Variants in KAT14 observed in about 807,000 individuals in gnomAD.
KAT14 encodes the protein cysteine-rich protein 2-binding protein.
In KAT14, 66 loss-of-function variants were observed where a neutral mutation model predicts 78.4. The observed-to-expected ratio is 0.84, with a 90% CI of 0.69 to 1.03. The LOEUF (loss-of-function observed/expected upper bound fraction) is 1.03. Ranked by LOEUF, KAT14 falls within the 50% of genes least tolerant of loss-of-function variation. The probability of loss-of-function intolerance (pLI) is 0.00; values close to 1 mark genes in which losing one functional copy is unlikely to be tolerated. For synonymous variants in KAT14, 344 were observed against 359.4 expected (o/e 0.96, Z 0.48); for missense variants, 870 against 972.5 (o/e 0.89, Z 1.40).
chr20:18,160,678 C>A (rs1295198459), intron 5 of KAT14, among the ~76,000 whole-genome samples: 2 of 152,032 alleles, frequency 1.3e-5, no homozygotes, highest in African/African-American at 4.8e-5. Flanking sequence ...AACTGTTGGG[C>A]TCAAGTGATC....
At chr20:18,171,217 C>T (rs2038832740) in intron 7 of KAT14, among the ~76,000 whole-genome samples, 2 of 152,130 alleles carry the variant, frequency 1.3e-5, no homozygotes, top group Non-Finnish European at 2.9e-5. Flanking sequence ...GGGTTCAAGA[C>T]TTCAGTGGAA....
chr20:18,150,857 GGAA>G lies in KAT14; in HGVS notation c.417_419del (p.Ser140del), dbSNP rs1407108430. ...GGCAATGTACAACTTGTCTCTGGAA[GGAA>G]GTGGACGTCAAGGTTATTTCAGGTG... On this transcript the variant is annotated inframe_deletion, in exon 4 of 11. Transcript: ENST00000688188. 6.2e-7 allele frequency: 1 copy of G among 1,614,162 alleles called. No homozygotes were observed. Among genetic ancestry groups the G allele is most frequent in the East Asian group, 2.2e-5 (1 of 44,878 alleles).
In KAT14 at chr20:18,142,125, ACACTGTTATTTGGATTTGAATGG is replaced by A. The variant is rs1171397533; in HGVS notation, c.-453-79_-453-57del. On this transcript the variant is annotated intron_variant, in intron 1 of 10. Transcript: ENST00000688188. Reference sequence around the variant, plus strand: ...TGAAAGTTTTAAGTATATTTTGGTAACACTGTTATTTGGATTTGAATGGCACAAGGATGGGGACCACCTGTTCG... The same window carrying A: ...TGAAAGTTTTAAGTATATTTTGGTAACACAAGGATGGGGACCACCTGTTCG... 2.8e-5 allele frequency: 38 copies of A among 1,363,070 alleles called. No homozygotes were observed. The East Asian group carries it at 8.6e-4, about 31-fold the overall frequency. The allele number at this position is 1,363,070 out of a possible 1,614,324, so 84.4% of individuals were successfully genotyped here.
rs747665536 is a variant in KAT14 at position 18,142,246 on chromosome 20, A to G, written c.-415A>G. ...GAGTTATCAGAGACATTGAGAGGCAAATTCGGAAAAAAGAAAACATTCGTC... is the reference window on the plus strand; with the variant it reads ...GAGTTATCAGAGACATTGAGAGGCAGATTCGGAAAAAAGAAAACATTCGTC... On this transcript the variant is annotated 5_prime_UTR_variant, in exon 2 of 11. Transcript: ENST00000688188. 1 of 1,537,110 alleles carries G rather than the reference A, an allele frequency of 6.5e-7. No homozygotes were observed. Among genetic ancestry groups the G allele is most frequent in the Admixed American group, 2.0e-5 (1 of 50,970 alleles).
chr20:18,175,399 G>A (rs772589707), intron 7 of KAT14, among the ~76,000 whole-genome samples: 3 of 152,120 alleles, frequency 2.0e-5, no homozygotes, highest in African/African-American at 4.8e-5. Context: ...AGAAGTGCTC[G>A]GGGGAGGAGA....
chr20:18,172,259 G>A (rs1185508436), intron 7 of KAT14, among the ~76,000 whole-genome samples: 5 of 151,710 alleles, frequency 3.3e-5, no homozygotes, highest in Admixed American at 6.6e-5. Flanking sequence ...GTGCCACCAC[G>A]CCCAGCTAAT....
chr20:18,138,416 A>C, intron 1 of KAT14: 3 of 1,014,334 alleles, frequency 3.0e-6, no homozygotes, highest in Non-Finnish European at 2.4e-6. Flanking sequence ...ACCTTTCCAC[A>C]TCTCACTTGG....
In KAT14 at chr20:18,186,086, C is replaced by T. The variant is rs73111457; in HGVS notation, c.2173-1200C>T. On this transcript the variant is annotated intron_variant, in intron 10 of 10. Transcript: ENST00000688188. ...CTGCCGTATCTGTCACTGGTAAGGG[C>T]CTGAAGACAGGGCACGAATAGTACT... is the stretch of plus-strand genomic sequence containing the variant. Among the ~76,000 whole-genome samples the T allele has an allele frequency of 8.5e-3, 1,297 of 152,226 alleles. 7 individuals carry two copies. Among genetic ancestry groups the T allele is most frequent in the Middle Eastern group, 0.017 (5 of 292 alleles).
intron 7 of KAT14, among the ~76,000 whole-genome samples, chr20:18,173,275 G>A (rs1415624095): frequency 6.6e-6 from 1 of 152,226 alleles, no homozygotes; most frequent in African/African-American, 2.4e-5. Context: ...TGAGCCTTCA[G>A]CAATTTTCAG....
chr20:18,149,840 C>T (rs1426228202), intron 3 of KAT14, among the ~76,000 whole-genome samples: 2 of 151,960 alleles, frequency 1.3e-5, no homozygotes, highest in Non-Finnish European at 2.9e-5. Flanking sequence ...ATCCCAGCTA[C>T]TTGGGAGGCT....
chr20:18,172,171 G>A (rs764962500), intron 7 of KAT14, among the ~76,000 whole-genome samples: 5 of 151,546 alleles, frequency 3.3e-5, no homozygotes, highest in African/African-American at 1.2e-4. Context: ...GTGCGATCTC[G>A]GCTTACTGCA....
chr20:18,159,638 C>G (rs2038347274), intron 5 of KAT14, among the ~76,000 whole-genome samples: 2 of 152,206 alleles, frequency 1.3e-5, no homozygotes, highest in African/African-American at 4.8e-5. Flanking sequence ...CTGACAGTCT[C>G]ATTTTATCTA....
At position 18,162,217 on chromosome 20, in the gene KAT14, G is replaced by A. The variant is rs1379424269; in HGVS notation, c.1077G>A (p.Met359Ile). The change falls in exon 6 of 11, where the codon ATG becomes ATA. Residue 359 changes from methionine to isoleucine, a missense_variant. Transcript: ENST00000688188. ...LSEADLIPDV[M>I]PPQALFHDDD... is the part of the protein sequence containing the mutation. ...AAGCAGATCTGATTCCAGATGTGATGCCCCCACAAGCCTTGTTTCATGGTA... is the reference window on the plus strand; with the variant it reads ...AAGCAGATCTGATTCCAGATGTGATACCCCCACAAGCCTTGTTTCATGGTA... 3.1e-6 allele frequency: 5 copies of A among 1,613,782 alleles called. No homozygotes were observed. The highest frequency in any genetic ancestry group is 4.2e-6 in the Non-Finnish European group (5 of 1,180,014).
chr20:18,181,522 C>G (rs1437507615), intron 7 of KAT14, among the ~76,000 whole-genome samples, 188 bp from the exon 8 acceptor site: 1 of 152,054 alleles, frequency 6.6e-6, no homozygotes, highest in Non-Finnish European at 1.5e-5. Flanking sequence ...GCGCACCTGC[C>G]ACCACGGCCG....
At chr20:18,142,114 A>G (rs2037609078) in intron 1 of KAT14, 94 bp from the exon 2 acceptor site, 2 of 1,275,390 alleles carry the variant, frequency 1.6e-6, no homozygotes, top group Non-Finnish European at 2.1e-6. Flanking sequence ...AGTTTTAAGT[A>G]TATTTTGGTA....
At chr20:18,138,252 G>C (rs2037375811) in intron 1 of KAT14, 2 of 1,237,090 alleles carry the variant, frequency 1.6e-6, no homozygotes, top group Non-Finnish European at 2.0e-6. Flanking sequence ...CGGCGGGCGT[G>C]TGCAGCCCGC....
intron 1 of KAT14, among the ~76,000 whole-genome samples, chr20:18,141,038 T>TTTTA (rs2037540920): frequency 6.6e-4 from 21 of 31,602 alleles, no homozygotes; most frequent in Admixed American, 1.3e-3. Flanking sequence ...TTTTTTTTTT[T>TTTTA]TTTTTTTTAT....
intron 3 of KAT14, among the ~76,000 whole-genome samples, chr20:18,150,557 G>C (rs1376253067): frequency 6.6e-6 from 1 of 152,098 alleles, no homozygotes; most frequent in Non-Finnish European, 1.5e-5. Flanking sequence ...CATCAGTTCA[G>C]CCACACATTA....
chr20:18,179,902 T>C (rs2039187448), intron 7 of KAT14, among the ~76,000 whole-genome samples: 1 of 152,088 alleles, frequency 6.6e-6, no homozygotes, highest in Admixed American at 6.5e-5. Context: ...AGAGTCTTGC[T>C]CTGTTGTCCA....
Sources: gnomAD v4.1 joint callset for allele counts (sites outside exome capture counted in the v4.1 genomes callset) on GRCh38, gnomAD v4.1.1 for gene constraint, MANE v1.5 for transcripts, NCBI Gene and HGNC (gene_info 2026-07-23, HGNC 2026-07-21) for gene names.